The following DGKK variants were observed in gnomAD, a reference collection of about 807,000 sequenced individuals.
The protein encoded by DGKK is 142 kDa diacylglycerol kinase.
A neutral mutation model predicts 92.2 loss-of-function variants in DGKK; 35 were observed. The ratio of observed to expected loss-of-function variants is 0.38; its 90% CI spans 0.29 to 0.50. The LOEUF is 0.50. DGKK is among the 20% of genes least tolerant of loss of function. The pLI is 0.92. For missense variants in DGKK, 910 were observed against 992.2 expected (o/e 0.92, Z 1.11); for synonymous variants, 368 against 360.6 (o/e 1.02, Z -0.23).
intron 1 of DGKK, among the ~76,000 whole-genome samples, chrX:50,437,751 C>T (rs952451897): frequency 3.3e-4 from 37 of 111,404 alleles, no homozygotes; most frequent in African/African-American, 1.2e-3. Context: ...GAGCATGTTG[C>T]ATTGGAGGGC....
intron 27 of DGKK, among the ~76,000 whole-genome samples, chrX:50,369,811 G>A (rs1404082242): frequency 9.0e-6 from 1 of 111,604 alleles, no homozygotes; most frequent in African/African-American, 3.3e-5. Flanking sequence ...CAGTCTGCCT[G>A]CCTCGGCCTT....
intron 12 of DGKK, among the ~76,000 whole-genome samples, chrX:50,390,028 A>G (rs1192574691): frequency 8.9e-6 from 1 of 112,341 alleles, no homozygotes; most frequent in Non-Finnish European, 1.9e-5. Flanking sequence ...TTTTCCATCT[A>G]TTCAAGTAGA....
At position 50,393,183 on chromosome X, in the gene DGKK, A is replaced by G. The variant is rs781812700; in HGVS notation, c.1564T>C (p.Phe522Leu). The G allele has an allele frequency of 1.7e-5, 20 of 1,208,524 alleles. No individual in the cohort carries two copies. Among genetic ancestry groups the G allele is most frequent in the Non-Finnish European group, 2.1e-5 (19 of 894,379 alleles). The change falls in exon 9 of 28, where the codon TTC becomes CTC. Residue 522 changes from phenylalanine to leucine, a missense_variant. Coordinates refer to ENST00000611977, the MANE Select transcript of DGKK (RefSeq NM_001013742.4). ...TCAGGTCCACCCTTCAATAAGTCGAACACTTGAGATGGGTTAAGGTATTGC... is the reference window on the plus strand; with the variant it reads ...TCAGGTCCACCCTTCAATAAGTCGAGCACTTGAGATGGGTTAAGGTATTGC... ...FKQYLNPSQV[F>L]DLLKGGPEAG...
At chrX:50,376,978 G>T (rs797029986) in intron 22 of DGKK, 60 bp from the exon 23 acceptor site, 2 of 1,093,819 alleles carry the variant, frequency 1.8e-6, no homozygotes, top group South Asian at 4.9e-5. Flanking sequence ...GCACATGACA[G>T]ATCTGTCTGT....
At chrX:50,413,815 T>C (rs1925360835) in intron 4 of DGKK, among the ~76,000 whole-genome samples, 1 of 111,773 alleles carries the variant, frequency 8.9e-6, no homozygotes, top group Admixed American at 9.5e-5. Flanking sequence ...TCAAAAAACC[T>C]AAAAATAGAA....
chrX:50,464,528 G>C, intron 1 of DGKK, among the ~76,000 whole-genome samples: 3 of 109,880 alleles, frequency 2.7e-5, no homozygotes, highest in Middle Eastern at 4.7e-3. Flanking sequence ...TATGATTTTT[G>C]AGAATATCTG....
chrX:50,376,036 A>G lies in DGKK; in HGVS notation c.3402T>C (p.Cys1134=). ...DSGNEMGAAS[C]IPIETLSRND... is the part of the protein sequence containing the mutation. ...CCTTTCTACTTACTTCAATGGGAAT[A>G]CAGGAAGCTGCACCCATCTCATTGC... Residue 1134 remains cysteine (C), a synonymous_variant, in exon 24 of 28, where the codon TGT becomes TGC. Coordinates refer to ENST00000611977, the MANE Select transcript of DGKK (RefSeq NM_001013742.4). 1 of 1,210,710 alleles carries G rather than the reference A, an allele frequency of 8.3e-7. No homozygotes were observed. The highest frequency in any genetic ancestry group is 1.1e-6 in the Non-Finnish European group (1 of 894,911).
At chrX:50,455,330 A>AT (rs1367507464) in intron 1 of DGKK, among the ~76,000 whole-genome samples, 1 of 111,997 alleles carries the variant, frequency 8.9e-6, no homozygotes, top group Non-Finnish European at 1.9e-5. Context: ...ATCTGTATCT[A>AT]TCTATGTCTC....
intron 1 of DGKK, among the ~76,000 whole-genome samples, chrX:50,456,426 A>G (rs1557232890): frequency 8.9e-6 from 1 of 111,901 alleles, no homozygotes; most frequent in African/African-American, 3.2e-5. Flanking sequence ...TAAGGTAATG[A>G]GTCAAGAGCT....
chrX:50,451,163 C>T (rs1280045775), intron 1 of DGKK, among the ~76,000 whole-genome samples: 2 of 111,250 alleles, frequency 1.8e-5, no homozygotes, highest in African/African-American at 6.5e-5. Context: ...TTTAATGGCA[C>T]TTCTCTAGTC....
intron 25 of DGKK, among the ~76,000 whole-genome samples, chrX:50,372,841 C>T (rs1243724136): frequency 8.9e-6 from 1 of 111,925 alleles, no homozygotes; most frequent in Non-Finnish European, 1.9e-5. Context: ...GCTTACAGCC[C>T]ACCTAACCTG....
intron 19 of DGKK, 69 bp from the exon 20 acceptor site, chrX:50,379,803 TG>T: frequency 1.0e-6 from 1 of 972,292 alleles, no homozygotes; most frequent in Non-Finnish European, 1.5e-6. Context: ...TTTACAGAGA[TG>T]GGGAAAGGGC....
At chrX:50,452,932 T>C (rs1466326596) in intron 1 of DGKK, among the ~76,000 whole-genome samples, 1 of 111,515 alleles carries the variant, frequency 9.0e-6, no homozygotes, top group Non-Finnish European at 1.9e-5. Context: ...TTTAATCTCT[T>C]AGGAATTGTA....
intron 1 of DGKK, among the ~76,000 whole-genome samples, chrX:50,449,815 TGA>T (rs1326066669): frequency 1.8e-5 from 2 of 112,023 alleles, no homozygotes; most frequent in Non-Finnish European, 3.8e-5. Context: ...CCCTGGCAAC[TGA>T]GAGTCAATCC....
chrX:50,431,868 A>T (rs1925897504), intron 1 of DGKK, among the ~76,000 whole-genome samples: 1 of 111,277 alleles, frequency 9.0e-6, no homozygotes, highest in Non-Finnish European at 1.9e-5. Flanking sequence ...TAGCTGTGTG[A>T]CCTTGGGCAA....
intron 1 of DGKK, among the ~76,000 whole-genome samples, chrX:50,441,290 C>T (rs1272654110): frequency 9.0e-6 from 1 of 111,696 alleles, no homozygotes; most frequent in Non-Finnish European, 1.9e-5. Flanking sequence ...CTTGGAATCC[C>T]TGTGGTCAAT....
chrX:50,410,659 A>T (rs781964823), intron 4 of DGKK, among the ~76,000 whole-genome samples: 1 of 111,738 alleles, frequency 8.9e-6, no homozygotes, highest in South Asian at 3.8e-4. Context: ...TGAGGCTGAG[A>T]CAACCCCCTT....
intron 1 of DGKK, among the ~76,000 whole-genome samples, chrX:50,466,010 C>CTT (rs1194066821): frequency 2.7e-4 from 16 of 58,324 alleles, no homozygotes; most frequent in Admixed American, 4.8e-4. Context: ...TTTTCTTTTT[C>CTT]TTTTTTCTTT....
intron 1 of DGKK, among the ~76,000 whole-genome samples, chrX:50,438,127 T>C (rs1557230951): frequency 9.1e-6 from 1 of 110,002 alleles, no homozygotes; most frequent in East Asian, 2.9e-4. Context: ...GCAAGGGAGA[T>C]GGCAGGGGAG....
Sources: allele counts gnomAD v4.1 joint callset (sites outside exome capture counted in the v4.1 genomes callset), GRCh38; gene constraint gnomAD v4.1.1; transcripts MANE v1.5; gene names NCBI Gene and HGNC (gene_info 2026-07-23, HGNC 2026-07-21).